CTNNA2: variants seen among roughly 807,000 people sequenced by gnomAD.
The protein encoded by CTNNA2 is catenin alpha-2.
A neutral mutation model predicts 101.0 loss-of-function variants in CTNNA2; 42 were observed. The observed-to-expected ratio is 0.42, with a 90% CI of 0.32 to 0.54. CTNNA2 has a LOEUF of 0.54. CTNNA2 is among the 20% of genes least tolerant of loss of function. The pLI is 0.14. For missense variants in CTNNA2, 871 were observed against 1,223.1 expected (o/e 0.71, Z 4.29); for synonymous variants, 450 against 456.4 (o/e 0.99, Z 0.18).
intron 7 of CTNNA2, among the ~76,000 whole-genome samples, chr2:79,916,142 A>T (rs1025225219): frequency 2.0e-5 from 3 of 152,216 alleles, no homozygotes; most frequent in Admixed American, 2.0e-4. Context: ...CAGCTTGGCT[A>T]ATAATAACTT....
At chr2:79,320,588 GC>G (rs1676597831) in intron 3 of CTNNA2, among the ~76,000 whole-genome samples, 1 of 152,180 alleles carries the variant, frequency 6.6e-6, no homozygotes. Context: ...TCTTGCTGCT[GC>G]TGAACTCTTG....
chr2:79,612,969 GA>G (rs1678379653), intron 1 of CTNNA2, among the ~76,000 whole-genome samples: 1 of 152,008 alleles, frequency 6.6e-6, no homozygotes, highest in African/African-American at 2.4e-5. Flanking sequence ...TAAGGATTTT[GA>G]AAATGACATA....
intron 4 of CTNNA2, among the ~76,000 whole-genome samples, chr2:79,425,235 A>G (rs987916909): frequency 6.6e-6 from 1 of 152,100 alleles, no homozygotes; most frequent in Non-Finnish European, 1.5e-5. Context: ...AAAGGCCCCA[A>G]AGGCTATTTA....
At chr2:80,504,816 G>A (rs940702054) in intron 9 of CTNNA2, among the ~76,000 whole-genome samples, 4 of 152,132 alleles carry the variant, frequency 2.6e-5, no homozygotes, top group Admixed American at 6.6e-5. Context: ...TTTTAAACAC[G>A]TGGCCTGTGG....
chr2:80,248,017 AT>A lies in CTNNA2; in HGVS notation c.1057-145181del, dbSNP rs553274292. Reference sequence around the variant, plus strand: ...TACCTCTATCATTTGTCTTTTCTTTATTTTTTTTTTTTTGTGGGGGCAGGGG... The same window carrying A: ...TACCTCTATCATTTGTCTTTTCTTTATTTTTTTTTTTTGTGGGGGCAGGGG... On this transcript the variant is annotated intron_variant, in intron 7 of 18. Coordinates refer to ENST00000402739, the MANE Select transcript of CTNNA2 (RefSeq NM_001282597.3). Among the ~76,000 whole-genome samples, 1,311 of 141,260 alleles carry A rather than the reference AT, an allele frequency of 9.3e-3. 10 individuals are homozygous for A. Among genetic ancestry groups the A allele is most frequent in the African/African-American group, 0.025 (956 of 38,642 alleles). 92.7% of individuals were successfully genotyped at this position (141,260 alleles called of 152,430 possible).
At chr2:79,252,068 T>C (rs2104273155) in intron 2 of CTNNA2, among the ~76,000 whole-genome samples, 1 of 152,282 alleles carries the variant, frequency 6.6e-6, no homozygotes, top group Non-Finnish European at 1.5e-5. Flanking sequence ...AGAAAGGGGC[T>C]CTGCACAGGT....
chr2:80,200,127 G>T (rs925651986), intron 7 of CTNNA2, among the ~76,000 whole-genome samples: 1 of 152,154 alleles, frequency 6.6e-6, no homozygotes, highest in East Asian at 1.9e-4. Context: ...AATTGAATCG[G>T]CACCACTTTC....
intron 3 of CTNNA2, among the ~76,000 whole-genome samples, chr2:79,371,569 T>G (rs1677872059): frequency 1.3e-5 from 2 of 152,124 alleles, no homozygotes; most frequent in African/African-American, 4.8e-5. Flanking sequence ...TAAAGACTTA[T>G]TTCTGCACCC....
intron 2 of CTNNA2, among the ~76,000 whole-genome samples, chr2:79,249,701 C>T: frequency 6.6e-6 from 1 of 152,148 alleles, no homozygotes; most frequent in Non-Finnish European, 1.5e-5. Flanking sequence ...GTCTTTGCAT[C>T]CCTTTTTAAC....
intron 2 of CTNNA2, among the ~76,000 whole-genome samples, chr2:79,301,471 C>G (rs1163734574): frequency 6.6e-6 from 1 of 152,108 alleles, no homozygotes; most frequent in African/African-American, 2.4e-5. Context: ...TACTGTTGGC[C>G]CAAGCCATGG....
intron 12 of CTNNA2, among the ~76,000 whole-genome samples, chr2:80,559,371 G>T (rs1693343065): frequency 6.6e-6 from 1 of 152,158 alleles, no homozygotes; most frequent in African/African-American, 2.4e-5. Context: ...ATGAATGGCT[G>T]CATGGGTAGG....
At chr2:80,488,744 C>T (rs573238670) in intron 9 of CTNNA2, among the ~76,000 whole-genome samples, 5 of 152,262 alleles carry the variant, frequency 3.3e-5, no homozygotes, top group African/African-American at 1.2e-4. Context: ...ACTTTATAGT[C>T]ATAGAACTAA....
chr2:80,585,799 A>T (rs1001442326), intron 14 of CTNNA2, among the ~76,000 whole-genome samples: 2 of 152,102 alleles, frequency 1.3e-5, no homozygotes, highest in Non-Finnish European at 2.9e-5. Flanking sequence ...CTTTTTTTAA[A>T]TTCCAGTTTC....
At chr2:79,867,629 A>C (rs1682240416) in intron 4 of CTNNA2, among the ~76,000 whole-genome samples, 1 of 152,326 alleles carries the variant, frequency 6.6e-6, no homozygotes, top group South Asian at 2.1e-4. Flanking sequence ...TTGGAAAAAT[A>C]TTTTATTGAA....
chr2:80,191,191 T>C (rs921673229), intron 7 of CTNNA2, among the ~76,000 whole-genome samples: 1 of 152,150 alleles, frequency 6.6e-6, no homozygotes, highest in Non-Finnish European at 1.5e-5. Context: ...AATTTGCCAA[T>C]ATTTTAAAAG....
At chr2:79,988,716 T>G (rs1460828749) in intron 7 of CTNNA2, among the ~76,000 whole-genome samples, 1 of 152,182 alleles carries the variant, frequency 6.6e-6, no homozygotes. Context: ...GTGGATTTGT[T>G]AGAAGCTATA....
intron 3 of CTNNA2, among the ~76,000 whole-genome samples, chr2:79,831,033 C>T (rs1331755067): frequency 1.3e-5 from 2 of 152,016 alleles, no homozygotes; most frequent in Non-Finnish European, 2.9e-5. Context: ...CTTGTCCCCA[C>T]CCCTCTTTTT....
intron 7 of CTNNA2, chr2:80,313,692 T>G: frequency 6.7e-7 from 1 of 1,488,524 alleles, no homozygotes; most frequent in Non-Finnish European, 9.2e-7. Flanking sequence ...AGTGTGAATT[T>G]AGTGCCAGAT....
rs1229947941 is a variant in CTNNA2, at chr2:79,837,757, T to TA, written c.299-20248dup. Among the ~76,000 whole-genome samples, 69 of 151,942 alleles carry TA rather than the reference T, an allele frequency of 4.5e-4. 1 individual carries two copies. Among genetic ancestry groups the TA allele is most frequent in the African/African-American group, 1.5e-3 (62 of 41,432 alleles). The stretch of plus-strand genomic sequence containing the variant: ...AGAAAGTAGAAAGTGTGTTTTTTTT[T>TA]AAAAAAAATCAACAGTTGGAAATGT... On this transcript the variant is annotated intron_variant, in intron 3 of 18. Transcript: ENST00000402739.
Sources: allele counts gnomAD v4.1 joint callset (sites outside exome capture counted in the v4.1 genomes callset), GRCh38; gene constraint gnomAD v4.1.1; transcripts MANE v1.5; gene names NCBI Gene and HGNC (gene_info 2026-07-23, HGNC 2026-07-21).